Variants in TGFB1I1 observed in about 807,000 individuals in gnomAD.
TGFB1I1 encodes transforming growth factor beta-1-induced transcript 1 protein.
Under a neutral mutation model 52.0 loss-of-function variants are expected in TGFB1I1, and 33 were observed. The ratio of observed to expected loss-of-function variants is 0.63; its 90% confidence interval spans 0.48 to 0.85. The LOEUF is 0.85. Ranked by LOEUF, TGFB1I1 falls within the 40% of genes least tolerant of loss-of-function variation. TGFB1I1 has a pLI of 0.00. For synonymous variants in TGFB1I1, 236 were observed against 253.3 expected (o/e 0.93, Z 0.65); for missense variants, 577 against 614.9 (o/e 0.94, Z 0.65).
At chr16:31,473,402 G>A (rs757326791) in intron 1 of TGFB1I1, 39 bp from the exon 2 acceptor site, 5 of 1,590,086 alleles carry the variant, frequency 3.1e-6, no homozygotes, top group East Asian at 2.2e-5. Context: ...TGATCTAACC[G>A]TGACCCTTGT....
In TGFB1I1 at chr16:31,474,802, C is replaced by T; in HGVS notation, c.714+45C>T. ...AAGGGAGGCAGAGACCTGTCACAGACCCATCTTTAGTGAGAGCTGGGCTTT... is the reference window on the plus strand; with the variant it reads ...AAGGGAGGCAGAGACCTGTCACAGATCCATCTTTAGTGAGAGCTGGGCTTT... On this transcript the variant is annotated intron_variant, in intron 7 of 10. Coordinates refer to ENST00000394863, the MANE Select transcript of TGFB1I1 (RefSeq NM_001042454.3). The surrounding 1 kb of genome is among the most constrained non-coding windows in gnomAD (Gnocchi z 4.2). 2.6e-6 allele frequency: 4 copies of T among 1,556,076 alleles called. No homozygotes were observed.
Position 31,474,534 on chromosome 16 carries a change from A to C in TGFB1I1, c.520-29A>C, listed in dbSNP as rs1470946492. 4.3e-6 allele frequency: 7 copies of C among 1,610,894 alleles called. No homozygotes were observed. Among genetic ancestry groups the C allele is most frequent in the Non-Finnish European group, 5.9e-6 (7 of 1,178,004 alleles). ...CAATTCCACATCTGCTGCTTTGCTGACTCAATTCTCATGTCCTCCCCGCTG... is the reference window on the plus strand; with the variant it reads ...CAATTCCACATCTGCTGCTTTGCTGCCTCAATTCTCATGTCCTCCCCGCTG... On this transcript the variant is annotated intron_variant, in intron 6 of 10. Transcript: ENST00000394863. This position sits in a 1 kb window ranked among gnomAD's most constrained non-coding sequence, Gnocchi z 4.2.
Position 31,477,296 on chromosome 16 carries a change from C to T in TGFB1I1, c.1120-14C>T. ...CTGACCTGTCTGTCCTCTTTCGCGG[C>T]TTCCCTTCCCCAGGAATGCTTCGCG... is the stretch of plus-strand genomic sequence containing the variant. On this transcript the variant is annotated splice_polypyrimidine_tract_variant and intron_variant, in intron 10 of 10. Coordinates refer to ENST00000394863, the MANE Select transcript of TGFB1I1 (RefSeq NM_001042454.3). The surrounding 1 kb of genome is among the most constrained non-coding windows in gnomAD (Gnocchi z 4.7). 1 of 1,594,610 alleles carries T rather than the reference C, an allele frequency of 6.3e-7. No homozygotes were observed. The highest frequency in any genetic ancestry group is 1.3e-5 in the African/African-American group (1 of 74,712).
chr16:31,477,387 A>T lies in TGFB1I1; in HGVS notation c.1197A>T (p.Ala399=). 6.2e-7 allele frequency: 1 copy of T among 1,611,494 alleles called. No individual in the cohort carries two copies. Among genetic ancestry groups the T allele is most frequent in the Non-Finnish European group, 8.5e-7 (1 of 1,179,316 alleles). ...GRPLCENHFH[A]RRGSLCATCG... ...CGTTGTGCGAGAACCACTTCCACGC[A>T]CGACGCGGCTCGCTGTGCGCCACGT... Residue 399 remains alanine (A), a synonymous_variant, in exon 11 of 11, where the codon GCA becomes GCT. Coordinates refer to ENST00000394863, the MANE Select transcript of TGFB1I1 (RefSeq NM_001042454.3). This position sits in a 1 kb window ranked among gnomAD's most constrained non-coding sequence, Gnocchi z 4.7.
In TGFB1I1 at chr16:31,476,087, A is replaced by C; in HGVS notation, c.790A>C (p.Ser264Arg). The C allele has an allele frequency of 6.2e-7, 1 of 1,613,838 alleles. No individual in the cohort carries two copies. Among genetic ancestry groups the C allele is most frequent in the Admixed American group, 1.7e-5 (1 of 60,028 alleles). ...CGGCSTALGG[S>R]SFFEKDGAPF... ...AGGCTGTTCCACCGCCCTGGGAGGC[A>C]GCAGCTTCTTCGAGAAGGATGGAGC... The change falls in exon 8 of 11, where the codon AGC (serine) becomes CGC (arginine). Residue 264 changes from serine to arginine, a missense_variant. Transcript: ENST00000394863. The surrounding 1 kb of genome is among the most constrained non-coding windows in gnomAD (Gnocchi z 7.6).
At position 31,476,181 on chromosome 16, in the gene TGFB1I1, G is replaced by A; in HGVS notation, c.884G>A (p.Arg295Gln). The A allele has an allele frequency of 6.2e-7, 1 of 1,612,018 alleles. No homozygotes were observed. Among genetic ancestry groups the A allele is most frequent in the Non-Finnish European group, 8.5e-7 (1 of 1,179,704 alleles). The change falls in exon 8 of 11, where the codon CGA becomes CAA. Residue 295 changes from arginine (R) to glutamine (Q), a missense_variant. Around this residue, in one of 3 missense-constraint regions of TGFB1I1, gnomAD observed 456 missense variants for 461.6 expected, o/e 0.99. Coordinates refer to ENST00000394863, the MANE Select transcript of TGFB1I1 (RefSeq NM_001042454.3). The surrounding 1 kb of genome is among the most constrained non-coding windows in gnomAD (Gnocchi z 7.6). ...PRCGFCNQPI[R>Q]HKMVTALGTH... is the part of the protein sequence containing the mutation. ...TGTGGCTTCTGCAACCAGCCCATCC[G>A]ACACGTGAGCCCCGCCCGGCCGCAC...
Position 31,474,767 on chromosome 16 carries a change from GCCTTGTGAGAAGGGAGGCAGAGA to G in TGFB1I1, c.714+14_714+36del. 1 of 1,597,948 alleles carries G rather than the reference GCCTTGTGAGAAGGGAGGCAGAGA, an allele frequency of 6.3e-7. No homozygotes were observed. The highest frequency in any genetic ancestry group is 8.5e-7 in the Non-Finnish European group (1 of 1,172,612). The stretch of plus-strand genomic sequence containing the variant: ...ACCTATTGCTGGGCAAGTAAGTGGA[GCCTTGTGAGAAGGGAGGCAGAGA>G]CCTGTCACAGACCCATCTTTAGTGA... On this transcript the variant is annotated intron_variant, in intron 7 of 10. Coordinates refer to ENST00000394863, the MANE Select transcript of TGFB1I1 (RefSeq NM_001042454.3). This position sits in a 1 kb window ranked among gnomAD's most constrained non-coding sequence, Gnocchi z 4.2.
At chr16:31,472,231 G>A in intron 1 of TGFB1I1, 30 bp downstream of exon 1, 1 of 1,480,180 alleles carries the variant, frequency 6.8e-7, no homozygotes, top group Non-Finnish European at 9.0e-7. Context: ...CGGGTCCGTG[G>A]CCCCTCACCG....
chr16:31,474,367 C>G lies in TGFB1I1; in HGVS notation c.431C>G (p.Pro144Arg). ...CTTCACAGCCCTTCCAGCCCGTCTCCTGGCCTCCCAAAGGCTTCTGCCACC... is the reference window on the plus strand; with the variant it reads ...CTTCACAGCCCTTCCAGCCCGTCTCGTGGCCTCCCAAAGGCTTCTGCCACC... ...KRPSLPSSPSPGLPKASATSA... is the reference protein window; with the variant it reads ...KRPSLPSSPSRGLPKASATSA... Residue 144 changes from proline (P) to arginine (R), a missense_variant, in exon 6 of 11, where the codon CCT (proline) becomes CGT (arginine). Pro to Arg is a moderately radical substitution (Grantham distance 103). Around this residue, in one of 3 missense-constraint regions of TGFB1I1, gnomAD observed 456 missense variants for 461.6 expected, o/e 0.99. Coordinates refer to ENST00000394863, the MANE Select transcript of TGFB1I1 (RefSeq NM_001042454.3). The surrounding 1 kb of genome is among the most constrained non-coding windows in gnomAD (Gnocchi z 4.2). 1 of 1,614,218 alleles carries G rather than the reference C, an allele frequency of 6.2e-7. No homozygotes were observed. The highest frequency in any genetic ancestry group is 1.6e-4 in the Middle Eastern group (1 of 6,062).
rs2082422819 is a variant in TGFB1I1, at chr16:31,476,259, G to A, written c.888+74G>A. On this transcript the variant is annotated intron_variant, in intron 8 of 10. Coordinates refer to ENST00000394863, the MANE Select transcript of TGFB1I1 (RefSeq NM_001042454.3). The surrounding 1 kb of genome is among the most constrained non-coding windows in gnomAD (Gnocchi z 7.6). ...CTGTGGGACGGGCCTCCACCGCATG[G>A]GTCCCGCCCCACCCGCGATACCCCA... The A allele has an allele frequency of 6.4e-7, 1 of 1,550,526 alleles. No individual in the cohort carries two copies. The highest frequency in any genetic ancestry group is 1.4e-5 in the African/African-American group (1 of 73,634).
chr16:31,473,520 T>A lies in TGFB1I1; in HGVS notation c.93T>A (p.Pro31=). 6.2e-7 allele frequency: 1 copy of A among 1,613,814 alleles called. No homozygotes were observed. The highest frequency in any genetic ancestry group is 8.5e-7 in the Non-Finnish European group (1 of 1,179,994). ...CTCCCAAAGAGCGCCCTGCGGAGCC[T>A]CTCACCCCTCCCCCATCCTATGGCC... ...SGAPKERPAE[P]LTPPPSYGHQ... Residue 31 remains proline, a synonymous_variant, in exon 2 of 11, where the codon CCT becomes CCA. Coordinates refer to ENST00000394863, the MANE Select transcript of TGFB1I1 (RefSeq NM_001042454.3).
At position 31,476,846 on chromosome 16, in the gene TGFB1I1, C is replaced by A. The variant is rs779969044; in HGVS notation, c.971-16C>A. 3.7e-6 allele frequency: 6 copies of A among 1,611,798 alleles called. No homozygotes were observed. Among genetic ancestry groups the A allele is most frequent in the South Asian group, 3.3e-5 (3 of 90,984 alleles). ...CCGCACCCTTTGCTTTCAGCCCACT[C>A]GGTTCCCTCTCCTAGGTTTCCACGA... is the stretch of plus-strand genomic sequence containing the variant. On this transcript the variant is annotated splice_polypyrimidine_tract_variant and intron_variant, in intron 9 of 10. Transcript: ENST00000394863. This position sits in a 1 kb window ranked among gnomAD's most constrained non-coding sequence, Gnocchi z 7.6.
intron 1 of TGFB1I1, chr16:31,472,438 A>T (rs985741763): frequency 1.4e-6 from 1 of 709,466 alleles, no homozygotes. Context: ...GCTGCGGCAG[A>T]TGGAACGGGA....
Position 31,477,601 on chromosome 16 carries a change from C to G in TGFB1I1, c.*25C>G. 1 of 1,569,874 alleles carries G rather than the reference C, an allele frequency of 6.4e-7. No individual in the cohort carries two copies. Among genetic ancestry groups the G allele is most frequent in the Non-Finnish European group, 8.6e-7 (1 of 1,160,556 alleles). ...ACAGCCCGCTCGGCTCGCCCTCTCCCCCGGAGGCCGCGCCCTCCCGGAAAA... is the reference window on the plus strand; with the variant it reads ...ACAGCCCGCTCGGCTCGCCCTCTCCGCCGGAGGCCGCGCCCTCCCGGAAAA... On this transcript the variant is annotated 3_prime_UTR_variant, in exon 11 of 11. Transcript: ENST00000394863. This position sits in a 1 kb window ranked among gnomAD's most constrained non-coding sequence, Gnocchi z 4.7.
At position 31,477,370 on chromosome 16, in the gene TGFB1I1, GA is replaced by G. The variant is rs1193254879; in HGVS notation, c.1181del (p.Glu394GlyfsTer19). The G allele has an allele frequency of 1.2e-6, 2 of 1,612,086 alleles. No individual in the cohort carries two copies. The highest frequency in any genetic ancestry group is 1.7e-6 in the Non-Finnish European group (2 of 1,179,516). On this transcript the variant is annotated frameshift_variant, in exon 11 of 11. Transcript: ENST00000394863. LOFTEE classifies it high-confidence loss of function. The surrounding 1 kb of genome is among the most constrained non-coding windows in gnomAD (Gnocchi z 4.7). The stretch of plus-strand genomic sequence containing the variant: ...CGAGCACGAGGGCCGCCCGTTGTGC[GA>G]GAACCACTTCCACGCACGACGCGGC... ...FFEHEGRPLC[E>X]NHFHARRGSL...
At position 31,473,467 on chromosome 16, in the gene TGFB1I1, A is replaced by G. The variant is rs371207563; in HGVS notation, c.40A>G (p.Thr14Ala). The change falls in exon 2 of 11, where the codon ACC becomes GCC. Residue 14 changes from threonine (T) to alanine (A), a missense_variant. Thr to Ala is a moderately conservative substitution (Grantham distance 58). Around this residue, in one of 3 missense-constraint regions of TGFB1I1, gnomAD observed 113 missense variants for 123.9 expected, o/e 0.91. Transcript: ENST00000394863. The part of the protein sequence containing the change: ...LDALLSDLET[T>A]TSHMPRSGAP... Reference sequence around the variant, plus strand: ...TGCCCTGCTCTCTGACCTGGAGACTACCACCTCGCACATGCCAAGGTCAGG... The same window carrying G: ...TGCCCTGCTCTCTGACCTGGAGACTGCCACCTCGCACATGCCAAGGTCAGG... The G allele has an allele frequency of 1.1e-5, 17 of 1,613,574 alleles. No homozygotes were observed. Among genetic ancestry groups the G allele is most frequent in the Non-Finnish European group, 1.3e-5 (15 of 1,179,952 alleles).
Position 31,472,194 on chromosome 16 carries a change from G to A in TGFB1I1, c.6G>A (p.Glu2=). M[E]DLDALLSDLE... ...CCACCGGCCCGCGCCCCGCCATGGA[G>A]GACCTGGGTGAGTGGGGCCGGATCC... is the stretch of plus-strand genomic sequence containing the variant. Residue 2 remains glutamate, a synonymous_variant, in exon 1 of 11, where the codon GAG becomes GAA. Transcript: ENST00000394863. 1.3e-6 allele frequency: 2 copies of A among 1,491,328 alleles called. No individual in the cohort carries two copies. Among genetic ancestry groups the A allele is most frequent in the Non-Finnish European group, 8.9e-7 (1 of 1,120,670 alleles). The allele number at this position is 1,491,328 out of a possible 1,614,324, so 92.4% of individuals were successfully genotyped here. A position where few individuals can be genotyped will look rare whatever the true frequency, so the allele number is the denominator to read the frequency against.
chr16:31,472,283 C>T (rs1182849663), intron 1 of TGFB1I1, 82 bp downstream of exon 1: 17 of 1,424,746 alleles, frequency 1.2e-5, no homozygotes, highest in African/African-American at 1.5e-5. Flanking sequence ...CCCGCATCTC[C>T]CCATCCCTGT....
At position 31,474,791 on chromosome 16, in the gene TGFB1I1, C is replaced by A; in HGVS notation, c.714+34C>A. On this transcript the variant is annotated intron_variant, in intron 7 of 10. Transcript: ENST00000394863. This position sits in a 1 kb window ranked among gnomAD's most constrained non-coding sequence, Gnocchi z 4.2. ...AGCCTTGTGAGAAGGGAGGCAGAGACCTGTCACAGACCCATCTTTAGTGAG... is the reference window on the plus strand; with the variant it reads ...AGCCTTGTGAGAAGGGAGGCAGAGAACTGTCACAGACCCATCTTTAGTGAG... 1 of 1,575,716 alleles carries A rather than the reference C, an allele frequency of 6.3e-7. No homozygotes were observed. The highest frequency in any genetic ancestry group is 8.6e-7 in the Non-Finnish European group (1 of 1,159,388).
Sources: gnomAD v4.1 joint callset for allele counts on GRCh38, gnomAD v4.1.1 for gene constraint, gnomAD v4.1.1 regional missense constraint, Gnocchi (gnomAD v3.1) non-coding constraint, MANE v1.5 for transcripts, NCBI Gene and HGNC (gene_info 2026-07-23, HGNC 2026-07-21) for gene names.